PON1: variants seen among roughly 807,000 people sequenced by gnomAD.
PON1 encodes the protein paraoxonase 1, also known as serum paraoxonase/arylesterase 1.
A neutral mutation model predicts 39.2 loss-of-function variants in PON1; 37 were observed. The ratio of observed to expected loss-of-function variants is 0.94; its 90% CI spans 0.73 to 1.24. PON1 has a LOEUF of 1.24. Among genes scored for constraint, PON1 ranks in the 50% most tolerant of loss-of-function variants. PON1 has a pLI of 0.00. For missense variants in PON1, 397 were observed against 413.5 expected, an observed-to-expected ratio of 0.96 and a Z score of 0.35; for synonymous variants, 148 against 152.2, an observed-to-expected ratio of 0.97 and a Z score of 0.21.
intron 4 of PON1, among the ~76,000 whole-genome samples, chr7:95,314,771 C>A (rs1268078211): frequency 6.6e-6 from 1 of 151,978 alleles, no homozygotes; most frequent in African/African-American, 2.4e-5. Context: ...GAAGTGACAG[C>A]AAATGGAAAG....
rs1807963581 is a variant in PON1, at chr7:95,324,272, G to T, written c.74+130C>A. Reference sequence around the variant, plus strand: ...CTGGACAAACATTTATGAAACCCCCGCAGAGTGTGCATCTAGCACCTGCTT... The same window carrying T: ...CTGGACAAACATTTATGAAACCCCCTCAGAGTGTGCATCTAGCACCTGCTT... On this transcript the variant is annotated intron_variant, in intron 1 of 8. Transcript: ENST00000222381. The T allele has an allele frequency of 2.1e-5, 17 of 817,996 alleles. No homozygotes were observed. The South Asian group carries it at 2.4e-4, about 12-fold the overall frequency. The allele number at this position is 817,996 out of a possible 1,614,324, so 50.7% of individuals were successfully genotyped here.
At chr7:95,302,381 A>C in intron 7 of PON1, 48 bp from the exon 8 acceptor site, 1 of 1,554,454 alleles carries the variant, frequency 6.4e-7, no homozygotes. Flanking sequence ...AGTAAAACAC[A>C]ATTGTGATGG....
chr7:95,302,494 T>A (rs1319154430), intron 7 of PON1, 161 bp from the exon 8 acceptor site: 1 of 647,728 alleles, frequency 1.5e-6, no homozygotes, highest in Non-Finnish European at 2.7e-6. Flanking sequence ...ACAAAATTTC[T>A]CTGACCTTTC....
chr7:95,314,188 C>G (rs1456059285), intron 4 of PON1, among the ~76,000 whole-genome samples: 1 of 151,960 alleles, frequency 6.6e-6, no homozygotes, highest in Admixed American at 6.6e-5. Context: ...GTGAAACCCC[C>G]GTCTCTACTA....
Position 95,298,688 on chromosome 7 carries a change from G to C in PON1, c.*256C>G, listed in dbSNP as rs1807345518. The C allele has an allele frequency of 1.8e-6, 1 of 549,088 alleles. No individual in the cohort carries two copies. The highest frequency in any genetic ancestry group is 2.0e-5 in the South Asian group (1 of 49,262). 34.0% of individuals were successfully genotyped at this position (549,088 alleles called of 1,614,324 possible). A position where few individuals can be genotyped will look rare whatever the true frequency, so the allele number is the denominator to read the frequency against. On this transcript the variant is annotated 3_prime_UTR_variant, in exon 9 of 9. Coordinates refer to ENST00000222381, the MANE Select transcript of PON1 (RefSeq NM_000446.7). Reference sequence around the variant, plus strand: ...TTAATATCTGACAATTGACATAACTGATTTATCCATTTTAGTGAGAAGGAT... The same window carrying C: ...TTAATATCTGACAATTGACATAACTCATTTATCCATTTTAGTGAGAAGGAT...
intron 4 of PON1, 23 bp downstream of exon 4, chr7:95,315,299 T>C (rs766082414): frequency 1.9e-6 from 3 of 1,601,312 alleles, no homozygotes; most frequent in Middle Eastern, 3.7e-4. Flanking sequence ...GTTTTGGTTT[T>C]AATAAATAGT....
At chr7:95,311,363 T>C in intron 5 of PON1, 88 bp downstream of exon 5, 1 of 1,489,588 alleles carries the variant, frequency 6.7e-7, no homozygotes, top group South Asian at 1.1e-5. Flanking sequence ...TGAACAGCCA[T>C]ACCTACTCTG....
intron 5 of PON1, 50 bp downstream of exon 5, chr7:95,311,401 A>C (rs1416883040): frequency 1.2e-6 from 2 of 1,606,736 alleles, no homozygotes; most frequent in Non-Finnish European, 1.7e-6. Flanking sequence ...AAAGTGGATT[A>C]ACTATCCGCT....
At chr7:95,308,363 T>C in intron 5 of PON1, 152 bp from the exon 6 acceptor site, 1 of 734,808 alleles carries the variant, frequency 1.4e-6, no homozygotes, top group Non-Finnish European at 2.3e-6. Context: ...AATATGAAAT[T>C]AGTCCTGCCG....
chr7:95,323,903 C>T (rs1283713995), intron 1 of PON1, among the ~76,000 whole-genome samples: 2 of 152,198 alleles, frequency 1.3e-5, no homozygotes, highest in African/African-American at 2.4e-5. Context: ...TCACAGCACA[C>T]GTTAGCTCCA....
At chr7:95,321,645 AG>A (rs1435974823) in intron 1 of PON1, among the ~76,000 whole-genome samples, 1 of 152,196 alleles carries the variant, frequency 6.6e-6, no homozygotes, top group Non-Finnish European at 1.5e-5. Context: ...CTTATTTAAG[AG>A]GGTAGAGTTG....
At chr7:95,299,783 TAA>T (rs1807377457) in intron 8 of PON1, among the ~76,000 whole-genome samples, 1 of 152,156 alleles carries the variant, frequency 6.6e-6, no homozygotes, top group Admixed American at 6.5e-5. Flanking sequence ...TGTGATCAGG[TAA>T]GTTAATACTT....
intron 6 of PON1, 22 bp from the exon 7 acceptor site, chr7:95,306,388 A>G (rs1265908336): frequency 6.7e-7 from 1 of 1,486,648 alleles, no homozygotes; most frequent in South Asian, 1.1e-5. Context: ...AAAGAGCTAC[A>G]TCAAAGTACT....
chr7:95,320,806 G>T (rs1378703323), intron 1 of PON1, among the ~76,000 whole-genome samples: 1 of 152,064 alleles, frequency 6.6e-6, no homozygotes, highest in African/African-American at 2.4e-5. Flanking sequence ...AAATGTTCTG[G>T]GCCTAAGAGA....
intron 1 of PON1, among the ~76,000 whole-genome samples, chr7:95,321,873 T>C (rs1807906773): frequency 6.6e-6 from 1 of 152,214 alleles, no homozygotes; most frequent in Admixed American, 6.5e-5. Context: ...CATATACATC[T>C]GTCAACTTTC....
intron 4 of PON1, among the ~76,000 whole-genome samples, chr7:95,313,851 G>C (rs1266623046): frequency 6.6e-6 from 1 of 152,274 alleles, no homozygotes; most frequent in African/African-American, 2.4e-5. Flanking sequence ...AAAGCAGGCA[G>C]TGTGACACTG....
chr7:95,317,389 TG>T (rs1807791153), intron 2 of PON1, among the ~76,000 whole-genome samples: 1 of 151,686 alleles, frequency 6.6e-6, no homozygotes, highest in African/African-American at 2.4e-5. Flanking sequence ...ATGAACTATT[TG>T]ATAGGTATTT....
chr7:95,301,373 T>C (rs1172402771), intron 8 of PON1, among the ~76,000 whole-genome samples: 1 of 151,962 alleles, frequency 6.6e-6, no homozygotes, highest in Non-Finnish European at 1.5e-5. Flanking sequence ...CCAGGACTGG[T>C]CCATTGCATG....
chr7:95,321,638 A>T (rs915313716), intron 1 of PON1, among the ~76,000 whole-genome samples: 3 of 152,190 alleles, frequency 2.0e-5, no homozygotes, highest in Admixed American at 6.5e-5. Context: ...GTGGTTGCTT[A>T]TTTAAGAGGG....
Sources: allele counts gnomAD v4.1 joint callset (sites outside exome capture counted in the v4.1 genomes callset), GRCh38; gene constraint gnomAD v4.1.1; transcripts MANE v1.5; gene names NCBI Gene and HGNC (gene_info 2026-07-23, HGNC 2026-07-21).